The following NTF3 variants were observed in gnomAD, a reference collection of about 807,000 sequenced individuals.
The protein encoded by NTF3 is neurotrophin 3.
A neutral mutation model predicts 26.3 loss-of-function variants in NTF3; 8 were observed. The ratio of observed to expected loss-of-function variants is 0.30; its 90% CI spans 0.18 to 0.55. NTF3 has a LOEUF of 0.55. Among genes scored for constraint, NTF3 ranks in the 20% least tolerant of loss-of-function variants. The pLI, the probability that NTF3 is intolerant of heterozygous loss-of-function variation, is 0.93. For synonymous variants in NTF3, 154 were observed against 145.5 expected, an observed-to-expected ratio of 1.06 and a Z score of -0.42; for missense variants, 276 against 352.9, an observed-to-expected ratio of 0.78 and a Z score of 1.75.
rs1555141045 is a variant in NTF3 at position 5,432,602 on chromosome 12, C to CACACAG, written c.18+265_18+270dup. Among the ~76,000 whole-genome samples, 33 of 132,636 alleles carry CACACAG rather than the reference C, an allele frequency of 2.5e-4. 1 individual carries two copies. The highest frequency in any genetic ancestry group is 8.9e-4 in the African/African-American group (32 of 36,100). The allele number at this position is 132,636 out of a possible 152,430, so 87.0% of individuals were successfully genotyped here. The stretch of plus-strand genomic sequence containing the variant: ...ACACACACACACACACACACACACA[C>CACACAG]ACACAGACACGGACACCCTTCTCCA... On this transcript the variant is annotated intron_variant, in intron 1 of 1. Transcript: ENST00000423158.
Position 5,494,261 on chromosome 12 carries a change from T to A in NTF3, c.86T>A (p.Ile29Asn). The change falls in exon 2 of 2, where the codon ATC becomes AAC. Residue 29 changes from isoleucine to asparagine, a missense_variant. This residue lies in a region of NTF3 where 221 missense variants were observed against 258.2 expected (regional missense o/e 0.86). Transcript: ENST00000423158. This position sits in a 1 kb window ranked among gnomAD's most constrained non-coding sequence, Gnocchi z 8.3. ...ATATTTCTCGCTTATCTCCGTGGCA[T>A]CCAAGGTAACAACATGGATCAAAGG... Reference protein sequence around the residue: ...YVIFLAYLRGIQGNNMDQRSL... With the variant: ...YVIFLAYLRGNQGNNMDQRSL... 1 of 1,614,120 alleles carries A rather than the reference T, an allele frequency of 6.2e-7. No homozygotes were observed. The highest frequency in any genetic ancestry group is 8.5e-7 in the Non-Finnish European group (1 of 1,180,026).
intron 1 of NTF3, among the ~76,000 whole-genome samples, chr12:5,464,869 C>T (rs888441778): frequency 3.3e-5 from 5 of 152,096 alleles, no homozygotes; most frequent in African/African-American, 4.8e-5. Flanking sequence ...GAATATAAGC[C>T]GGACTATGTT....
intron 1 of NTF3, among the ~76,000 whole-genome samples, chr12:5,461,231 G>A (rs185296660): frequency 1.3e-5 from 2 of 152,284 alleles, no homozygotes; most frequent in South Asian, 2.1e-4. Context: ...CATGACGTCT[G>A]TGCTGTCAGG....
intron 1 of NTF3, among the ~76,000 whole-genome samples, chr12:5,482,880 C>G (rs946089650): frequency 9.9e-5 from 15 of 151,390 alleles, no homozygotes; most frequent in African/African-American, 3.4e-4. Flanking sequence ...GTCTTTCTCT[C>G]TGTGTGTGTT....
At chr12:5,449,073 G>C (rs1300873480) in intron 1 of NTF3, among the ~76,000 whole-genome samples, 1 of 152,160 alleles carries the variant, frequency 6.6e-6, no homozygotes, top group East Asian at 1.9e-4. Flanking sequence ...AAATGACTAG[G>C]GCCATGGAAT....
Position 5,495,043 on chromosome 12 carries a change from T to C in NTF3, c.*55T>C. The C allele has an allele frequency of 1.4e-6, 2 of 1,477,804 alleles. No individual in the cohort carries two copies. The highest frequency in any genetic ancestry group is 1.8e-6 in the Non-Finnish European group (2 of 1,082,882). 91.5% of individuals were successfully genotyped at this position (1,477,804 alleles called of 1,614,324 possible). ...TACTTTAAATTATATGATATGCATG[T>C]AGCATATAAATGTTTATATTGTTTT... On this transcript the variant is annotated 3_prime_UTR_variant, in exon 2 of 2. Coordinates refer to ENST00000423158, the MANE Select transcript of NTF3 (RefSeq NM_001102654.2).
At chr12:5,481,498 AC>A (rs1327844874) in intron 1 of NTF3, among the ~76,000 whole-genome samples, 42 of 148,398 alleles carry the variant, frequency 2.8e-4, no homozygotes, top group East Asian at 4.1e-4. Flanking sequence ...CCACAGATAC[AC>A]AGAATACCAC....
At chr12:5,478,336 G>C (rs1419008440) in intron 1 of NTF3, among the ~76,000 whole-genome samples, 2 of 152,190 alleles carry the variant, frequency 1.3e-5, no homozygotes, top group African/African-American at 2.4e-5. Flanking sequence ...TGTTTGTGTG[G>C]CATCAGCCAA....
At chr12:5,435,480 A>G (rs908439837) in intron 1 of NTF3, among the ~76,000 whole-genome samples, 3 of 152,174 alleles carry the variant, frequency 2.0e-5, no homozygotes, top group Non-Finnish European at 4.4e-5. Flanking sequence ...GCTGACTTGA[A>G]ATATATCTCT....
At position 5,433,259 on chromosome 12, in the gene NTF3, C is replaced by G. The variant is rs964604194; in HGVS notation, c.18+917C>G. 1 of 152,226 alleles carries G rather than the reference C, an allele frequency of 6.6e-6. No individual in the cohort carries two copies. Among genetic ancestry groups the G allele is most frequent in the Non-Finnish European group, 1.5e-5 (1 of 68,120 alleles). The allele number at this position is 152,226 out of a possible 1,614,324, so 9.4% of individuals were successfully genotyped here. A position where few individuals can be genotyped will look rare whatever the true frequency, so the allele number is the denominator to read the frequency against. ...ATCCCAGGGGATCTCCTTGCGGTAT[C>G]GTCCAGCCTGTTCTCGGACTTTGAG... On this transcript the variant is annotated intron_variant, in intron 1 of 1. Transcript: ENST00000423158. This position sits in a 1 kb window ranked among gnomAD's most constrained non-coding sequence, Gnocchi z 4.6.
chr12:5,455,540 A>T (rs1035755609), intron 1 of NTF3, among the ~76,000 whole-genome samples: 9 of 43,262 alleles, frequency 2.1e-4, no homozygotes, highest in Non-Finnish European at 3.5e-4. Flanking sequence ...CCCAACACAC[A>T]CACACACACA....
chr12:5,467,669 C>T (rs1414545158), intron 1 of NTF3, among the ~76,000 whole-genome samples: 2 of 152,216 alleles, frequency 1.3e-5, no homozygotes, highest in Non-Finnish European at 2.9e-5. Context: ...GCTTGGGCAG[C>T]TCCCCTGCAC....
chr12:5,454,714 G>A (rs909693836), intron 1 of NTF3, among the ~76,000 whole-genome samples: 10 of 152,206 alleles, frequency 6.6e-5, no homozygotes, highest in Admixed American at 6.5e-4. Context: ...CACAATGCCT[G>A]CTTTGCTCTT....
intron 1 of NTF3, among the ~76,000 whole-genome samples, chr12:5,491,343 G>A (rs762657471): frequency 1.2e-4 from 18 of 152,306 alleles, no homozygotes; most frequent in Non-Finnish European, 2.1e-4. Flanking sequence ...CTTTAAGACA[G>A]CCTTCTAAAG....
At chr12:5,469,120 CA>C (rs920267333) in intron 1 of NTF3, among the ~76,000 whole-genome samples, 53 of 137,304 alleles carry the variant, frequency 3.9e-4, no homozygotes, top group Non-Finnish European at 3.3e-4. Context: ...GATCCTGTCT[CA>C]AAAAAAAAAA....
chr12:5,446,599 G>A (rs1192062202), intron 1 of NTF3, among the ~76,000 whole-genome samples: 1 of 152,180 alleles, frequency 6.6e-6, no homozygotes, highest in Non-Finnish European at 1.5e-5. Flanking sequence ...AGGACAGCCA[G>A]GGAGTAGAGG....
chr12:5,493,201 G>A (rs1195273940), intron 1 of NTF3, among the ~76,000 whole-genome samples: 1 of 152,206 alleles, frequency 6.6e-6, no homozygotes, highest in African/African-American at 2.4e-5. Flanking sequence ...CTTGAGATCA[G>A]CACTGTAATT....
intron 1 of NTF3, among the ~76,000 whole-genome samples, chr12:5,445,696 C>T (rs1260540290): frequency 2.0e-5 from 3 of 152,210 alleles, no homozygotes; most frequent in African/African-American, 4.8e-5. Context: ...CAGAAGCTCA[C>T]GAGGTGAATG....
intron 1 of NTF3, among the ~76,000 whole-genome samples, chr12:5,439,797 G>A (rs1348619105): frequency 6.6e-6 from 1 of 152,218 alleles, no homozygotes; most frequent in Non-Finnish European, 1.5e-5. Flanking sequence ...AAAAGAATAT[G>A]AATGGAGAGC....
Sources: gnomAD v4.1 joint callset for allele counts (sites outside exome capture counted in the v4.1 genomes callset) on GRCh38, gnomAD v4.1.1 for gene constraint, gnomAD v4.1.1 regional missense constraint, Gnocchi (gnomAD v3.1) non-coding constraint, MANE v1.5 for transcripts, NCBI Gene and HGNC (gene_info 2026-07-23, HGNC 2026-07-21) for gene names.